Variants in UBAC2 observed in about 807,000 individuals in gnomAD.
UBAC2 encodes UBA domain containing 2.
Under a neutral mutation model 44.0 loss-of-function variants are expected in UBAC2, and 26 were observed. The ratio of observed to expected loss-of-function variants is 0.59; its 90% CI spans 0.43 to 0.82. The LOEUF (loss-of-function observed/expected upper bound fraction) is 0.82. Ranked by LOEUF, UBAC2 falls within the 40% of genes least tolerant of loss-of-function variation. The pLI, the probability that UBAC2 is intolerant of heterozygous loss-of-function variation, is 0.00. For missense variants in UBAC2, 329 were observed against 419.4 expected, an observed-to-expected ratio of 0.78 and a Z score of 1.88; for synonymous variants, 155 against 154.3, an observed-to-expected ratio of 1.00 and a Z score of -0.04.
At chr13:99,229,326 C>A (rs1452026282) in intron 1 of UBAC2, among the ~76,000 whole-genome samples, 1 of 152,150 alleles carries the variant, frequency 6.6e-6, no homozygotes, top group Non-Finnish European at 1.5e-5. Context: ...AGTATCTGTG[C>A]TAATAAGGAA....
At chr13:99,262,640 TTGCAGTGAGCCAAGAA>T (rs56785191) in intron 4 of UBAC2, among the ~76,000 whole-genome samples, 25,477 of 133,758 alleles carry the variant, frequency 0.19, 2,414 homozygotes, top group Middle Eastern at 0.27. Context: ...GAGATGGAGG[TTGCAGTGAGCCAAGAA>T]TGCAGTGAGC....
chr13:99,381,282 A>G (rs1018597169), intron 8 of UBAC2, among the ~76,000 whole-genome samples: 14 of 152,210 alleles, frequency 9.2e-5, no homozygotes, highest in Non-Finnish European at 1.8e-4. Flanking sequence ...CAAATGTATC[A>G]TCAGTGGAGG....
At chr13:99,237,512 G>A (rs1232261579) in intron 1 of UBAC2, among the ~76,000 whole-genome samples, 1 of 152,110 alleles carries the variant, frequency 6.6e-6, no homozygotes, top group African/African-American at 2.4e-5. Context: ...GATAAAAAGA[G>A]GTTGATTAAT....
intron 1 of UBAC2, among the ~76,000 whole-genome samples, chr13:99,232,383 C>G (rs1361653819): frequency 1.2e-5 from 1 of 85,844 alleles, no homozygotes; most frequent in Non-Finnish European, 3.1e-5. Context: ...AAGACCCTGT[C>G]CATCCTTAGT....
At chr13:99,371,389 A>G (rs1055538821) in intron 8 of UBAC2, among the ~76,000 whole-genome samples, 4 of 152,196 alleles carry the variant, frequency 2.6e-5, no homozygotes, top group South Asian at 2.1e-4. Context: ...GTTATAAACC[A>G]TTGTTGCCTT....
At chr13:99,289,383 A>G (rs2044061041) in intron 4 of UBAC2, among the ~76,000 whole-genome samples, 1 of 152,252 alleles carries the variant, frequency 6.6e-6, no homozygotes, top group Non-Finnish European at 1.5e-5. Flanking sequence ...CACAGGACAG[A>G]CAAAACCAAC....
At chr13:99,268,232 G>A (rs1225515162) in intron 4 of UBAC2, among the ~76,000 whole-genome samples, 1 of 152,162 alleles carries the variant, frequency 6.6e-6, no homozygotes, top group African/African-American at 2.4e-5. Context: ...TCGGGGAGCT[G>A]CTAGCAGTCT....
At chr13:99,300,985 A>G (rs2044249375) in intron 4 of UBAC2, among the ~76,000 whole-genome samples, 1 of 152,230 alleles carries the variant, frequency 6.6e-6, no homozygotes, top group Admixed American at 6.5e-5. Context: ...TTTAAGATAT[A>G]TTTATATAAA....
At chr13:99,318,359 G>A (rs1425005774) in intron 6 of UBAC2, among the ~76,000 whole-genome samples, 1 of 151,462 alleles carries the variant, frequency 6.6e-6, no homozygotes, top group East Asian at 2.0e-4. Flanking sequence ...TAGAGATGGG[G>A]TTTCTCCATG....
At chr13:99,311,090 C>G (rs1017534357) in intron 4 of UBAC2, among the ~76,000 whole-genome samples, 1 of 152,234 alleles carries the variant, frequency 6.6e-6, no homozygotes, top group East Asian at 1.9e-4. Context: ...TTCATTTCTT[C>G]TGCAAATATT....
intron 6 of UBAC2, among the ~76,000 whole-genome samples, chr13:99,325,357 C>T (rs2044627109): frequency 6.6e-6 from 1 of 152,136 alleles, no homozygotes; most frequent in South Asian, 2.1e-4. Flanking sequence ...CCCGCCTCGG[C>T]CTCCCAAATT....
intron 1 of UBAC2, chr13:99,234,315 C>T: frequency 6.2e-6 from 2 of 322,102 alleles, no homozygotes; most frequent in South Asian, 2.1e-5. Flanking sequence ...CCTCAGCTTC[C>T]CAAGTGGGAT....
At chr13:99,305,209 C>T (rs561962293) in intron 4 of UBAC2, among the ~76,000 whole-genome samples, 1 of 152,248 alleles carries the variant, frequency 6.6e-6, no homozygotes, top group Admixed American at 6.5e-5. Flanking sequence ...AGAGATTTAA[C>T]AAAATATTTT....
At chr13:99,361,100 G>A (rs901725550) in intron 7 of UBAC2, among the ~76,000 whole-genome samples, 3 of 151,990 alleles carry the variant, frequency 2.0e-5, no homozygotes, top group South Asian at 2.1e-4. Flanking sequence ...ACTGCTCCTC[G>A]GTTGGGAAAC....
intron 4 of UBAC2, chr13:99,254,944 A>G (rs756466021): frequency 2.5e-6 from 4 of 1,614,082 alleles, no homozygotes; most frequent in East Asian, 2.2e-5. Flanking sequence ...TTTTCTGCGC[A>G]TGCTTCGAAG....
chr13:99,361,183 T>C (rs2045260358), intron 7 of UBAC2, among the ~76,000 whole-genome samples: 1 of 152,254 alleles, frequency 6.6e-6, no homozygotes, highest in African/African-American at 2.4e-5. Flanking sequence ...TTTTACTTCA[T>C]TTGAAATCTT....
chr13:99,252,123 A>G (rs1234961432), intron 4 of UBAC2, among the ~76,000 whole-genome samples: 1 of 152,172 alleles, frequency 6.6e-6, no homozygotes. Context: ...ACCACTTCCC[A>G]ACTGGTCATC....
At chr13:99,288,656 CA>C (rs2044051203) in intron 4 of UBAC2, among the ~76,000 whole-genome samples, 1 of 152,116 alleles carries the variant, frequency 6.6e-6, no homozygotes, top group South Asian at 2.1e-4. Flanking sequence ...AGAAAAGTTT[CA>C]TTTTGGAAAA....
At chr13:99,383,128 G>A (rs1367784193) in intron 8 of UBAC2, among the ~76,000 whole-genome samples, 1 of 152,246 alleles carries the variant, frequency 6.6e-6, no homozygotes, top group East Asian at 1.9e-4. Flanking sequence ...CAGCTGATGT[G>A]CATATGATGC....
Sources: gnomAD v4.1 joint callset for allele counts (sites outside exome capture counted in the v4.1 genomes callset) on GRCh38, gnomAD v4.1.1 for gene constraint, MANE v1.5 for transcripts, NCBI Gene and HGNC (gene_info 2026-07-23, HGNC 2026-07-21) for gene names.